Variants in DCC observed in about 807,000 individuals in gnomAD.
DCC encodes the protein netrin receptor DCC.
DCC carries 58 observed loss-of-function variants against 172.5 expected under a neutral mutation model. That is an observed-to-expected ratio of 0.34 (90% CI 0.27 to 0.42). The LOEUF (loss-of-function observed/expected upper bound fraction) is 0.42, where lower values mean the gene tolerates loss of function less well. Among genes scored for constraint, DCC ranks in the 10% least tolerant of loss-of-function variants. The pLI is 1.00. For synonymous variants in DCC, 709 were observed against 644.5 expected (o/e 1.10, Z -1.52); for missense variants, 1,740 against 1,791.0 (o/e 0.97, Z 0.51).
chr18:53,220,186 A>G (rs2055910927), intron 12 of DCC, among the ~76,000 whole-genome samples: 1 of 152,094 alleles, frequency 6.6e-6, no homozygotes, highest in South Asian at 2.1e-4. Context: ...TGTCTGGGGT[A>G]TGTGTATGTG....
chr18:52,397,256 A>G (rs1986266475), intron 1 of DCC, among the ~76,000 whole-genome samples: 1 of 152,026 alleles, frequency 6.6e-6, no homozygotes, highest in Non-Finnish European at 1.5e-5. Flanking sequence ...CCCAAAACGC[A>G]TACTTCTAAA....
intron 26 of DCC, among the ~76,000 whole-genome samples, chr18:53,489,162 G>A (rs1193513220): frequency 1.3e-5 from 2 of 151,894 alleles, no homozygotes; most frequent in African/African-American, 2.4e-5. Flanking sequence ...GTAGTTATAC[G>A]ACAAAATGCT....
In DCC at chr18:53,151,176, T is replaced by A. The variant is rs72921440; in HGVS notation, c.1262-6180T>A. Among the ~76,000 whole-genome samples the A allele has an allele frequency of 3.0e-3, 450 of 152,346 alleles. 1 individual carries two copies. The highest frequency in any genetic ancestry group is 5.4e-3 in the Non-Finnish European group (365 of 68,028). On this transcript the variant is annotated intron_variant, in intron 7 of 28. Transcript: ENST00000442544. ...ATCAAAGAGTACATACAAGGTATGATTCAATTCCATAGCACTATTATTATG... is the reference window on the plus strand; with the variant it reads ...ATCAAAGAGTACATACAAGGTATGAATCAATTCCATAGCACTATTATTATG...
At chr18:53,267,388 T>A (rs1216891561) in intron 12 of DCC, among the ~76,000 whole-genome samples, 2 of 152,126 alleles carry the variant, frequency 1.3e-5, no homozygotes, top group Admixed American at 1.3e-4. Context: ...GGTTTCATCA[T>A]GTTGGCCAGC....
chr18:52,917,003 C>T (rs950356321), intron 3 of DCC, among the ~76,000 whole-genome samples: 4 of 150,838 alleles, frequency 2.7e-5, no homozygotes, highest in African/African-American at 9.8e-5. Flanking sequence ...ATTTAATAGA[C>T]TGGGCACAGT....
intron 13 of DCC, among the ~76,000 whole-genome samples, chr18:53,313,579 T>C (rs534703725): frequency 6.6e-4 from 101 of 152,292 alleles, no homozygotes; most frequent in Admixed American, 2.4e-3. Flanking sequence ...TTAACTCTTC[T>C]TGAGACTGAA....
At position 52,927,106 on chromosome 18, in the gene DCC, CACGTATAT is replaced by C. The variant is rs2040223171; in HGVS notation, c.985+1741_985+1748del. Among the ~76,000 whole-genome samples the C allele has an allele frequency of 7.1e-5, 3 of 42,170 alleles. 1 individual carries two copies. Among genetic ancestry groups the C allele is most frequent in the African/African-American group, 1.7e-4 (2 of 11,578 alleles). The allele number at this position is 42,170 out of a possible 152,430, so 27.7% of individuals were successfully genotyped here. A position where few individuals can be genotyped will look rare whatever the true frequency, so the allele number is the denominator to read the frequency against. ...ATATACACGTATATACGTGTATATA[CACGTATAT>C]ACGTGTATATACACGTATATACGTG... On this transcript the variant is annotated intron_variant, in intron 5 of 28. Coordinates refer to ENST00000442544, the MANE Select transcript of DCC (RefSeq NM_005215.4).
intron 1 of DCC, among the ~76,000 whole-genome samples, chr18:52,542,181 A>ATAGT (rs2032480582): frequency 6.6e-6 from 1 of 151,680 alleles, no homozygotes; most frequent in Admixed American, 6.6e-5. Context: ...CTACAGAATG[A>ATAGT]TCCACCTCTC....
intron 1 of DCC, among the ~76,000 whole-genome samples, chr18:52,396,540 G>A (rs1986237928): frequency 1.3e-5 from 2 of 151,960 alleles, no homozygotes; most frequent in African/African-American, 4.8e-5. Context: ...ATTTAGTCCC[G>A]AGGTGGCCTG....
intron 17 of DCC, among the ~76,000 whole-genome samples, chr18:53,394,293 A>G (rs1440808112): frequency 6.6e-6 from 1 of 152,210 alleles, no homozygotes; most frequent in Admixed American, 6.5e-5. Flanking sequence ...TTAAGTAGGA[A>G]GACAGAGGTA....
chr18:53,141,962 G>A (rs1037045363), intron 7 of DCC, among the ~76,000 whole-genome samples: 4 of 152,186 alleles, frequency 2.6e-5, no homozygotes, highest in African/African-American at 9.6e-5. Context: ...TGTCCAACAT[G>A]TTGAATTCCT....
At chr18:53,152,898 T>G (rs1199317415) in intron 7 of DCC, among the ~76,000 whole-genome samples, 1 of 152,122 alleles carries the variant, frequency 6.6e-6, no homozygotes, top group African/African-American at 2.4e-5. Flanking sequence ...TAAACTGAGG[T>G]AAAGAGTCCG....
At chr18:52,880,277 T>C (rs188944048) in intron 2 of DCC, among the ~76,000 whole-genome samples, 5 of 152,052 alleles carry the variant, frequency 3.3e-5, no homozygotes, top group African/African-American at 1.2e-4. Context: ...ACTGGAATTA[T>C]AGCCATTCAC....
intron 2 of DCC, among the ~76,000 whole-genome samples, chr18:52,899,127 T>A (rs2039774257): frequency 6.6e-6 from 1 of 152,108 alleles, no homozygotes; most frequent in Admixed American, 6.6e-5. Context: ...AAAAAATCAC[T>A]GCTTTTCCCT....
intron 1 of DCC, among the ~76,000 whole-genome samples, chr18:52,477,138 C>CAT (rs1307672677): frequency 5.9e-5 from 9 of 152,218 alleles, no homozygotes; most frequent in African/African-American, 2.2e-4. Flanking sequence ...TTTTCCACTA[C>CAT]GTTATTATGT....
chr18:52,749,313 A>G (rs182739168), intron 1 of DCC, among the ~76,000 whole-genome samples: 1 of 152,334 alleles, frequency 6.6e-6, no homozygotes, highest in East Asian at 1.9e-4. Flanking sequence ...CCCAGTTTTC[A>G]GGCTTTAGGC....
rs368222170 is a variant in DCC, at chr18:53,203,722, A to G, written c.1574-1494A>G. Among the ~76,000 whole-genome samples the G allele has an allele frequency of 1.1e-3, 175 of 152,296 alleles. 1 individual carries two copies. Among genetic ancestry groups the G allele is most frequent in the African/African-American group, 4.0e-3 (168 of 41,558 alleles). On this transcript the variant is annotated intron_variant, in intron 9 of 28. Transcript: ENST00000442544. Reference sequence around the variant, plus strand: ...TGGAAGTTCAAACTCTCAGAACTGTATTACAGGCCTACAATGTATATCTGT... The same window carrying G: ...TGGAAGTTCAAACTCTCAGAACTGTGTTACAGGCCTACAATGTATATCTGT...
intron 27 of DCC, 29 bp downstream of exon 27, chr18:53,499,539 AT>A (rs1480279359): frequency 1.3e-6 from 2 of 1,562,904 alleles, no homozygotes; most frequent in Non-Finnish European, 1.8e-6. Flanking sequence ...CACCTTTAAA[AT>A]TCTTATTATT....
intron 12 of DCC, among the ~76,000 whole-genome samples, chr18:53,277,601 G>C (rs917938503): frequency 3.3e-5 from 5 of 152,102 alleles, no homozygotes. Context: ...TTGCAGTTTT[G>C]ATAATACAGT....
Sources: gnomAD v4.1 joint callset for allele counts (sites outside exome capture counted in the v4.1 genomes callset) on GRCh38, gnomAD v4.1.1 for gene constraint, MANE v1.5 for transcripts, NCBI Gene and HGNC (gene_info 2026-07-23, HGNC 2026-07-21) for gene names.